LHX1: variants seen among roughly 807,000 people sequenced by gnomAD.
The protein encoded by LHX1 is LIM/homeobox protein Lhx1.
LHX1 carries 9 observed loss-of-function variants against 34.1 expected under a neutral mutation model. The observed-to-expected ratio is 0.26, with a 90% CI of 0.16 to 0.46. The LOEUF is 0.46. Ranked by LOEUF, LHX1 falls within the 20% of genes least tolerant of loss-of-function variation. LHX1 has a pLI of 1.00. For synonymous variants in LHX1, 254 were observed against 241.5 expected (o/e 1.05, Z -0.48); for missense variants, 446 against 559.1 (o/e 0.80, Z 2.04).
chr17:36,938,461 G>A (rs2070743768), intron 1 of LHX1, 94 bp downstream of exon 1: 1 of 1,300,584 alleles, frequency 7.7e-7, no homozygotes, highest in African/African-American at 1.5e-5. Flanking sequence ...TCGCTGCCCA[G>A]TTAGGAACTG....
chr17:36,938,714 C>T (rs1487747825), intron 1 of LHX1: 1 of 441,234 alleles, frequency 2.3e-6, no homozygotes, highest in Non-Finnish European at 4.2e-6. Flanking sequence ...AGCTCTGCAG[C>T]AACTGCATTC....
rs1289276145 is a variant in LHX1 at position 36,939,945 on chromosome 17, C to T, written c.171-345C>T. On this transcript the variant is annotated intron_variant, in intron 1 of 4. Coordinates refer to ENST00000614239, the MANE Select transcript of LHX1 (RefSeq NM_005568.5). ...TCCCCCCGCCCACACAGGTCACTGC[C>T]TTGCCACCTTCTTTAGACGATGCAT... 1.0e-5 allele frequency: 5 copies of T among 493,932 alleles called. No homozygotes were observed. The Admixed American group carries it at 1.1e-4, about 11-fold the overall frequency. 30.6% of individuals were successfully genotyped at this position (493,932 alleles called of 1,614,324 possible). A position where few individuals can be genotyped will look rare whatever the true frequency, so the allele number is the denominator to read the frequency against.
upstream of LHX1, chr17:36,937,344 A>G (rs2142176840): frequency 2.7e-6 from 1 of 374,532 alleles, no homozygotes; most frequent in African/African-American, 2.2e-5. Flanking sequence ...GGCCGAGGTG[A>G]CTGGGCTGGG....
In LHX1 at chr17:36,944,563, T is replaced by C. The variant is rs1349861624; in HGVS notation, c.*1432T>C. On this transcript the variant is annotated 3_prime_UTR_variant, in exon 5 of 5. Transcript: ENST00000614239. ...ACCATTCACTGTATGAAAGAAAACATGTTGAATAAATTTGTGAGTTTTTAA... is the reference window on the plus strand; with the variant it reads ...ACCATTCACTGTATGAAAGAAAACACGTTGAATAAATTTGTGAGTTTTTAA... 6.6e-6 allele frequency: 1 copy of C among 152,212 alleles called. No homozygotes were observed. Among genetic ancestry groups the C allele is most frequent in the Non-Finnish European group, 1.5e-5 (1 of 68,040 alleles). The allele number at this position is 152,212 out of a possible 1,614,324, so 9.4% of individuals were successfully genotyped here. A position where few individuals can be genotyped will look rare whatever the true frequency, so the allele number is the denominator to read the frequency against.
At position 36,943,294 on chromosome 17, in the gene LHX1, A is replaced by G; in HGVS notation, c.*163A>G. 1 of 850,236 alleles carries G rather than the reference A, an allele frequency of 1.2e-6. No homozygotes were observed. Among genetic ancestry groups the G allele is most frequent in the Non-Finnish European group, 1.7e-6 (1 of 575,804 alleles). 52.7% of individuals were successfully genotyped at this position (850,236 alleles called of 1,614,324 possible). On this transcript the variant is annotated 3_prime_UTR_variant, in exon 5 of 5. Coordinates refer to ENST00000614239, the MANE Select transcript of LHX1 (RefSeq NM_005568.5). ...GACCGGATGGAAAAGGGGGACACGAAATAGGATCCAAATCGGCCTCGAGGT... is the reference window on the plus strand; with the variant it reads ...GACCGGATGGAAAAGGGGGACACGAGATAGGATCCAAATCGGCCTCGAGGT...
chr17:36,938,007 C>G lies in LHX1; in HGVS notation c.-191C>G. The G allele has an allele frequency of 1.6e-6, 1 of 630,408 alleles. No individual in the cohort carries two copies. The highest frequency in any genetic ancestry group is 1.9e-5 in the South Asian group (1 of 52,476). 39.1% of individuals were successfully genotyped at this position (630,408 alleles called of 1,614,324 possible). ...TGCACACTTCACTGAGACGCCCCCCCAGGCCCCGATCAGCCTCGTTTCCTC... is the reference window on the plus strand; with the variant it reads ...TGCACACTTCACTGAGACGCCCCCCGAGGCCCCGATCAGCCTCGTTTCCTC... On this transcript the variant is annotated 5_prime_UTR_variant, in exon 1 of 5. Coordinates refer to ENST00000614239, the MANE Select transcript of LHX1 (RefSeq NM_005568.5).
chr17:36,940,284 C>CCCCCCCCA lies in LHX1; in HGVS notation c.171-5_171-4insCCCCCCAC. ...GCCCCCGCCCCCCACCCCCACCCCC[C>CCCCCCCCA]CGCAGGTGTTTCGGTACCAAATGCG... On this transcript the variant is annotated splice_region_variant and splice_polypyrimidine_tract_variant and intron_variant, in intron 1 of 4. Coordinates refer to ENST00000614239, the MANE Select transcript of LHX1 (RefSeq NM_005568.5). 1 of 1,312,278 alleles carries CCCCCCCCA rather than the reference C, an allele frequency of 7.6e-7. No individual in the cohort carries two copies. Among genetic ancestry groups the CCCCCCCCA allele is most frequent in the Non-Finnish European group, 1.1e-6 (1 of 951,868 alleles). The allele number at this position is 1,312,278 out of a possible 1,614,324, so 81.3% of individuals were successfully genotyped here. A position where few individuals can be genotyped will look rare whatever the true frequency, so the allele number is the denominator to read the frequency against.
At chr17:36,942,553 C>A (rs1484758063) in intron 4 of LHX1, among the ~76,000 whole-genome samples, 188 bp downstream of exon 4, 3 of 152,174 alleles carry the variant, frequency 2.0e-5, no homozygotes, top group Non-Finnish European at 4.4e-5. Context: ...CCCTGAATAA[C>A]GGGGGTAGCT....
rs1292252817 is a variant in LHX1, at chr17:36,940,667, A to C, written c.455A>C (p.Asp152Ala). Residue 152 changes from aspartate to alanine, a missense_variant, in exon 3 of 5, where the codon GAC becomes GCC. Physicochemically the swap from Asp to Ala is moderately radical, Grantham distance 126. Around this residue, in one of 3 missense-constraint regions of LHX1, gnomAD observed 168 missense variants for 226.6 expected, o/e 0.74. Coordinates refer to ENST00000614239, the MANE Select transcript of LHX1 (RefSeq NM_005568.5). The part of the protein sequence containing the change: ...SPDSQDPSQD[D>A]AKDSESANVS... The stretch of plus-strand genomic sequence containing the variant: ...GATTCCCAAGACCCGTCGCAGGACG[A>C]CGCCAAGGACTCGGAGAGCGCCAAC... The C allele has an allele frequency of 6.2e-7, 1 of 1,613,758 alleles. No homozygotes were observed. Among genetic ancestry groups the C allele is most frequent in the Non-Finnish European group, 8.5e-7 (1 of 1,180,046 alleles).
intron 1 of LHX1, chr17:36,940,013 G>T: frequency 1.7e-6 from 1 of 584,472 alleles, no homozygotes; most frequent in Non-Finnish European, 3.0e-6. Context: ...GGGGCTTGGC[G>T]GGTAGCTTGG....
chr17:36,939,915 C>T (rs2070752956), intron 1 of LHX1: 1 of 406,834 alleles, frequency 2.5e-6, no homozygotes, highest in Non-Finnish European at 4.5e-6. Context: ...AAATAAGTGC[C>T]CCGTTCCCCC....
intron 3 of LHX1, chr17:36,941,463 C>T (rs560446691): frequency 1.3e-5 from 4 of 309,278 alleles, no homozygotes; most frequent in Non-Finnish European, 2.5e-5. Flanking sequence ...GGCCTGTGGG[C>T]GGAAAGGAGG....
chr17:36,940,528 A>T lies in LHX1; in HGVS notation c.397+12A>T. On this transcript the variant is annotated intron_variant, in intron 2 of 4. Transcript: ENST00000614239. ...CAGCCTTCACTCGGGTGAGGCCCCA[A>T]TTCCTGGCTGGCTAGGTGCAAGCGG... 6.2e-7 allele frequency: 1 copy of T among 1,613,688 alleles called. No individual in the cohort carries two copies. Among genetic ancestry groups the T allele is most frequent in the Non-Finnish European group, 8.5e-7 (1 of 1,179,968 alleles).
At chr17:36,938,680 G>T in intron 1 of LHX1, 1 of 504,130 alleles carries the variant, frequency 2.0e-6, no homozygotes, top group East Asian at 3.7e-5. Flanking sequence ...GTTGTAGCCC[G>T]GACTGCTGTC....
At chr17:36,942,026 G>T (rs2070768057) in intron 3 of LHX1, among the ~76,000 whole-genome samples, 174 bp from the exon 4 acceptor site, 1 of 152,170 alleles carries the variant, frequency 6.6e-6, no homozygotes. Context: ...CTCAGGGTCC[G>T]CCCTGAGTGG....
In LHX1 at chr17:36,942,255, T is replaced by G; in HGVS notation, c.731T>G (p.Leu244Arg). The G allele has an allele frequency of 2.5e-6, 4 of 1,600,876 alleles. No homozygotes were observed. Among genetic ancestry groups the G allele is most frequent in the Non-Finnish European group, 3.4e-6 (4 of 1,175,800 alleles). ...CGGAGGATGAAGCAGCTGAGCGCCC[T>G]GGGCGCCCGGCGCCACGCCTTCTTC... ...KERRMKQLSA[L>R]GARRHAFFRS... The change falls in exon 4 of 5, where the codon CTG (leucine) becomes CGG (arginine). Residue 244 changes from leucine (L) to arginine (R), a missense_variant. Around this residue, in one of 3 missense-constraint regions of LHX1, gnomAD observed 43 missense variants for 108.0 expected, o/e 0.40. Transcript: ENST00000614239.
At position 36,943,215 on chromosome 17, in the gene LHX1, A is replaced by T. The variant is rs1488045675; in HGVS notation, c.*84A>T. On this transcript the variant is annotated 3_prime_UTR_variant, in exon 5 of 5. Transcript: ENST00000614239. ...AAAAATAGAAAAAAAAAAACATAAA[A>T]AGCAAGTCCCCACCCCCTTCCTCCA... 17 of 1,445,186 alleles carry T rather than the reference A, an allele frequency of 1.2e-5. No individual in the cohort carries two copies. The Admixed American group carries it at 3.9e-4, about 33-fold the overall frequency. The allele number at this position is 1,445,186 out of a possible 1,614,324, so 89.5% of individuals were successfully genotyped here. A position where few individuals can be genotyped will look rare whatever the true frequency, so the allele number is the denominator to read the frequency against.
At chr17:36,939,966 T>C (rs1018736699) in intron 1 of LHX1, 23 of 525,984 alleles carry the variant, frequency 4.4e-5, no homozygotes, top group Non-Finnish European at 7.5e-5. Flanking sequence ...CTTTAGACGA[T>C]GCATCTTTCC....
chr17:36,942,870 C>T lies in LHX1; in HGVS notation c.960C>T (p.Ser320=). 6 of 1,592,220 alleles carry T rather than the reference C, an allele frequency of 3.8e-6. No homozygotes were observed. Among genetic ancestry groups the T allele is most frequent in the Non-Finnish European group, 4.3e-6 (5 of 1,168,682 alleles). ...CCTTCGTGCCGTCATCTGGGCCGTC[C>T]GGGACGCCCCTGGGTGGCCTGGAGC... ...DLPFVPSSGP[S]GTPLGGLEHP... The change falls in exon 5 of 5, where the codon TCC becomes TCT. Residue 320 remains serine (S), a synonymous_variant. Transcript: ENST00000614239.
Sources: gnomAD v4.1 joint callset for allele counts (sites outside exome capture counted in the v4.1 genomes callset) on GRCh38, gnomAD v4.1.1 for gene constraint, gnomAD v4.1.1 regional missense constraint, MANE v1.5 for transcripts, NCBI Gene and HGNC (gene_info 2026-07-23, HGNC 2026-07-21) for gene names.